Variants in CRISP1 observed in about 807,000 individuals in gnomAD.
The protein encoded by CRISP1 is cysteine-rich secretory protein 1.
CRISP1 carries 44 observed loss-of-function variants against 33.1 expected under a neutral mutation model. The ratio of observed to expected loss-of-function variants is 1.33; its 90% CI spans 1.05 to 1.71. CRISP1 has a LOEUF of 1.71. CRISP1 is among the 40% of genes most tolerant of loss of function. The probability of loss-of-function intolerance (pLI) is 0.00; values close to 1 mark genes in which losing one functional copy is unlikely to be tolerated. For synonymous variants in CRISP1, 103 were observed against 98.7 expected, an observed-to-expected ratio of 1.04 and a Z score of -0.26; for missense variants, 390 against 301.2, an observed-to-expected ratio of 1.29 and a Z score of -2.18.
intron 2 of CRISP1, 43 bp downstream of exon 2, chr6:49,857,292 C>A: frequency 6.3e-7 from 1 of 1,581,664 alleles, no homozygotes; most frequent in Non-Finnish European, 8.7e-7. Context: ...TAGCTCTTAT[C>A]TTTATTTAGA....
intron 1 of CRISP1, among the ~76,000 whole-genome samples, chr6:49,863,366 G>A (rs1771705242): frequency 6.6e-6 from 1 of 152,074 alleles, no homozygotes; most frequent in Admixed American, 6.6e-5. Flanking sequence ...TTTCAACCAA[G>A]GAATTACATA....
chr6:49,873,767 T>C (rs574602754), intron 1 of CRISP1, among the ~76,000 whole-genome samples: 126 of 124,610 alleles, frequency 1.0e-3, no homozygotes, highest in African/African-American at 3.0e-3. Flanking sequence ...ATATTTAAAG[T>C]TTTTTAAAGC....
intron 1 of CRISP1, among the ~76,000 whole-genome samples, chr6:49,862,105 A>T (rs1382495094): frequency 1.3e-5 from 2 of 152,160 alleles, no homozygotes; most frequent in African/African-American, 2.4e-5. Flanking sequence ...GGAAAGAGAA[A>T]GGCAAATTGT....
At chr6:49,876,267 G>A (rs527329150) in intron 1 of CRISP1, among the ~76,000 whole-genome samples, 2 of 152,200 alleles carry the variant, frequency 1.3e-5, no homozygotes, top group South Asian at 4.2e-4. Context: ...CATTCGTGCA[G>A]GCAACAACAT....
rs923608856 is a variant in CRISP1 at position 49,859,128 on chromosome 6, G to A, written c.-2-1726C>T. On this transcript the variant is annotated intron_variant, in intron 1 of 7. Transcript: ENST00000335847. The stretch of plus-strand genomic sequence containing the variant: ...TCTAGACTCTCACAGACCCCTCGAG[G>A]CTACCAAAGAGTTGCCTGGAGCCTG... Among the ~76,000 whole-genome samples the A allele has an allele frequency of 9.2e-5, 14 of 151,896 alleles. 1 individual carries two copies. Among genetic ancestry groups the A allele is most frequent in the Admixed American group, 9.2e-4 (14 of 15,226 alleles).
At chr6:49,845,722 A>G (rs1213698599) in intron 5 of CRISP1, among the ~76,000 whole-genome samples, 1 of 150,878 alleles carries the variant, frequency 6.6e-6, no homozygotes, top group Non-Finnish European at 1.5e-5. Context: ...AAAAAAATGG[A>G]AACAACTCAA....
chr6:49,873,776 G>A (rs898881347), intron 1 of CRISP1, among the ~76,000 whole-genome samples: 10 of 151,878 alleles, frequency 6.6e-5, no homozygotes, highest in African/African-American at 2.4e-4. Context: ...GTTTTTTAAA[G>A]CTCAGTACCT....
In CRISP1 at chr6:49,846,608, A is replaced by G. The variant is rs190700172; in HGVS notation, c.347T>C (p.Ile116Thr). ...TSYPVSWSSV[I>T]GVWYSESTSF... Reference sequence around the variant, plus strand: ...TGTAGACTCACTGTACCAGACTCCAATTACACTTGACCATGATACAGGATA... The same window carrying G: ...TGTAGACTCACTGTACCAGACTCCAGTTACACTTGACCATGATACAGGATA... The change falls in exon 5 of 8, where the codon ATT becomes ACT. Residue 116 changes from isoleucine (I) to threonine (T), a missense_variant. Physicochemically the swap from Ile to Thr is moderately conservative, Grantham distance 89. Transcript: ENST00000335847. 9.9e-6 allele frequency: 16 copies of G among 1,613,610 alleles called. No individual in the cohort carries two copies. The highest frequency in any genetic ancestry group is 5.0e-5 in the Admixed American group (3 of 59,912).
At chr6:49,841,228 G>T (rs114876536) in intron 5 of CRISP1, among the ~76,000 whole-genome samples, 2 of 152,084 alleles carry the variant, frequency 1.3e-5, no homozygotes, top group Non-Finnish European at 2.9e-5. Flanking sequence ...ATCAGCTGAC[G>T]GGGAGGATGA....
chr6:49,866,568 A>G (rs1771802890), upstream of CRISP1: 1 of 152,146 alleles, frequency 6.6e-6, no homozygotes, highest in African/African-American at 2.4e-5. Context: ...TGCCTATAAC[A>G]GATCAAGGGA....
At chr6:49,843,043 G>A (rs1179596149) in intron 5 of CRISP1, among the ~76,000 whole-genome samples, 1 of 152,140 alleles carries the variant, frequency 6.6e-6, no homozygotes, top group African/African-American at 2.4e-5. Flanking sequence ...AAGATTATCT[G>A]AAGGTGATGG....
chr6:49,840,880 A>T lies in CRISP1; in HGVS notation c.533+18T>A, dbSNP rs1770963090. ...TTACTTTAGGGGGATATATATTTTA[A>T]AAACTAATAATACATACTCATGACA... On this transcript the variant is annotated intron_variant, in intron 6 of 7. Coordinates refer to ENST00000335847, the MANE Select transcript of CRISP1 (RefSeq NM_001131.3). 1.3e-6 allele frequency: 2 copies of T among 1,594,330 alleles called. No homozygotes were observed. The highest frequency in any genetic ancestry group is 2.2e-5 in the East Asian group (1 of 44,486).
chr6:49,852,646 T>C (rs1771384049), intron 2 of CRISP1, among the ~76,000 whole-genome samples: 1 of 152,208 alleles, frequency 6.6e-6, no homozygotes, highest in Admixed American at 6.6e-5. Context: ...ATTCTATGTC[T>C]TCTTACTGTT....
rs189125151 is a variant in CRISP1, at chr6:49,834,671, A to G, written c.*645T>C. On this transcript the variant is annotated 3_prime_UTR_variant, in exon 8 of 8. Coordinates refer to ENST00000335847, the MANE Select transcript of CRISP1 (RefSeq NM_001131.3). ...AATGAAATGAAACTATATTCCTTCC[A>G]TATATATAAACATGCATCTTGTATG... is the stretch of plus-strand genomic sequence containing the variant. The G allele has an allele frequency of 4.6e-5, 7 of 152,294 alleles. No homozygotes were observed. The South Asian group carries it at 6.2e-4, about 14-fold the overall frequency. The allele number at this position is 152,294 out of a possible 1,614,324, so 9.4% of individuals were successfully genotyped here.
At chr6:49,858,399 T>C (rs1271802532) in intron 1 of CRISP1, among the ~76,000 whole-genome samples, 1 of 152,212 alleles carries the variant, frequency 6.6e-6, no homozygotes, top group Non-Finnish European at 1.5e-5. Context: ...GTTCTCATTT[T>C]ACAAAAGAAA....
chr6:49,835,467 A>G, intron 7 of CRISP1, 24 bp from the exon 8 acceptor site: 2 of 1,610,032 alleles, frequency 1.2e-6, no homozygotes, highest in South Asian at 2.2e-5. Context: ...GTATGGTTTT[A>G]CAACACAGTC....
At chr6:49,836,233 G>A (rs1211361968) in intron 7 of CRISP1, among the ~76,000 whole-genome samples, 1 of 151,690 alleles carries the variant, frequency 6.6e-6, no homozygotes, top group Non-Finnish European at 1.5e-5. Context: ...TCTTGACAAT[G>A]GAAAAATTTA....
At chr6:49,873,915 A>T (rs1485464614) in intron 1 of CRISP1, among the ~76,000 whole-genome samples, 1 of 152,120 alleles carries the variant, frequency 6.6e-6, no homozygotes, top group Non-Finnish European at 1.5e-5. Context: ...AAACTGATAG[A>T]CACAAGTAGA....
Position 49,852,048 on chromosome 6 carries a change from C to T in CRISP1, c.148G>A (p.Ala50Thr), listed in dbSNP as rs753227426. The stretch of plus-strand genomic sequence containing the variant: ...GGTGGAACTACTCTTCTCCTGAGGG[C>T]GTTGTGTATATTAACGATCTCTTCT... ...VQEEIVNIHN[A>T]LRRRVVPPAS... The change falls in exon 3 of 8, where the codon GCC (alanine) becomes ACC (threonine). Residue 50 changes from alanine (A) to threonine (T), a missense_variant. Coordinates refer to ENST00000335847, the MANE Select transcript of CRISP1 (RefSeq NM_001131.3). 1.9e-5 allele frequency: 30 copies of T among 1,612,824 alleles called. No homozygotes were observed. The highest frequency in any genetic ancestry group is 2.2e-5 in the East Asian group (1 of 44,848).
Sources: allele counts gnomAD v4.1 joint callset (sites outside exome capture counted in the v4.1 genomes callset), GRCh38; gene constraint gnomAD v4.1.1; transcripts MANE v1.5; gene names NCBI Gene and HGNC (gene_info 2026-07-23, HGNC 2026-07-21).